The following OSBP2 variants were observed in gnomAD, a reference collection of about 807,000 sequenced individuals.
OSBP2 encodes oxysterol binding protein 2, also known as oxysterol-binding protein 2.
In OSBP2, 66 loss-of-function variants were observed where a neutral mutation model predicts 96.0. The ratio of observed to expected loss-of-function variants is 0.69; its 90% CI spans 0.56 to 0.84. The LOEUF (loss-of-function observed/expected upper bound fraction) is 0.84, where lower values mean the gene tolerates loss of function less well. OSBP2 is among the 40% of genes least tolerant of loss of function. OSBP2 has a pLI of 0.00. For missense variants in OSBP2, 1,038 were observed against 1,222.7 expected (o/e 0.85, Z 2.25); for synonymous variants, 525 against 520.9 (o/e 1.01, Z -0.11).
chr22:30,813,184 T>C lies in OSBP2; in HGVS notation c.854-57245T>C, dbSNP rs532448963. Among the ~76,000 whole-genome samples, 839 of 142,184 alleles carry C rather than the reference T, an allele frequency of 5.9e-3. 3 individuals carry two copies. The highest frequency in any genetic ancestry group is 0.021 in the Middle Eastern group (6 of 290). 93.3% of individuals were successfully genotyped at this position (142,184 alleles called of 152,430 possible). On this transcript the variant is annotated intron_variant, in intron 2 of 13. Coordinates refer to ENST00000332585, the MANE Select transcript of OSBP2 (RefSeq NM_030758.4). ...CGATGTTGCATTCTTTTTTTTTTTT[T>C]TTTTTTTTTTTTTGAGATGGAGTCT...
At chr22:30,876,171 GAGAAGGAAAATAT>G (rs1294011989) in intron 3 of OSBP2, among the ~76,000 whole-genome samples, 1 of 152,268 alleles carries the variant, frequency 6.6e-6, no homozygotes, top group Non-Finnish European at 1.5e-5. Context: ...CTCCCAGGCA[GAGAAGGAAAATAT>G]TACTATTTTC....
intron 12 of OSBP2, 35 bp from the exon 13 acceptor site, chr22:30,905,802 C>T (rs372875888): frequency 1.9e-6 from 3 of 1,607,528 alleles, no homozygotes; most frequent in Admixed American, 1.7e-5. Context: ...CGGCTCACAC[C>T]GCAGCCACCG....
At position 30,890,263 on chromosome 22, in the gene OSBP2, C is replaced by T. The variant is rs958448367; in HGVS notation, c.1624-465C>T. On this transcript the variant is annotated intron_variant, in intron 7 of 13. Coordinates refer to ENST00000332585, the MANE Select transcript of OSBP2 (RefSeq NM_030758.4). This position sits in a 1 kb window ranked among gnomAD's most constrained non-coding sequence, Gnocchi z 4.4. ...GATGGCATCATGGTGGGGAGAGTGACCCTGCCCTATGTGACACCGAGATAG... is the reference window on the plus strand; with the variant it reads ...GATGGCATCATGGTGGGGAGAGTGATCCTGCCCTATGTGACACCGAGATAG... 6.6e-6 allele frequency among the ~76,000 whole-genome samples: 1 copy of T among 151,956 alleles called. No homozygotes were observed. Among genetic ancestry groups the T allele is most frequent in the Admixed American group, 6.5e-5 (1 of 15,276 alleles).
At chr22:30,895,230 C>A (rs1395740682) in intron 12 of OSBP2, among the ~76,000 whole-genome samples, 1 of 151,504 alleles carries the variant, frequency 6.6e-6, no homozygotes, top group African/African-American at 2.4e-5. Context: ...GCTAAAATAA[C>A]CCATTTAGCT....
intron 2 of OSBP2, among the ~76,000 whole-genome samples, chr22:30,768,051 G>A (rs1375314179): frequency 1.3e-5 from 2 of 152,156 alleles, no homozygotes; most frequent in East Asian, 3.9e-4. Flanking sequence ...AGATGGCTGC[G>A]GCTTACCCCT....
chr22:30,775,144 A>T (rs1377375326), intron 2 of OSBP2, among the ~76,000 whole-genome samples: 1 of 152,084 alleles, frequency 6.6e-6, no homozygotes, highest in Non-Finnish European at 1.5e-5. Flanking sequence ...CTAGCTCCAG[A>T]ACGTTTTCAT....
chr22:30,835,364 C>G (rs751089686), intron 2 of OSBP2, among the ~76,000 whole-genome samples: 2 of 151,942 alleles, frequency 1.3e-5, no homozygotes, highest in Non-Finnish European at 2.9e-5. Context: ...GCATGCTATC[C>G]CAGCACCATT....
intron 1 of OSBP2, among the ~76,000 whole-genome samples, chr22:30,700,929 T>C (rs1200063268): frequency 6.7e-6 from 1 of 149,152 alleles, no homozygotes; most frequent in Non-Finnish European, 1.5e-5. Context: ...GTCTTTACTA[T>C]ATACAAAAAA....
chr22:30,893,975 G>C lies in OSBP2; in HGVS notation c.2349G>C (p.Lys783Asn). 7.5e-6 allele frequency: 12 copies of C among 1,599,002 alleles called. No individual in the cohort carries two copies. Among genetic ancestry groups the C allele is most frequent in the Non-Finnish European group, 1.0e-5 (12 of 1,173,296 alleles). Residue 783 changes from lysine to asparagine, a missense_variant, in exon 12 of 14, where the codon AAG becomes AAC. Physicochemically the swap from Lys to Asn is moderately conservative, Grantham distance 94. Coordinates refer to ENST00000332585, the MANE Select transcript of OSBP2 (RefSeq NM_030758.4). ...QKTVYQTLSA[K>N]LLWKKYPLPE... ...CAGTGTACCAGACCCTGTCAGCCAA[G>C]CTGCTGTGGAAGAAGTACCCGCTGC...
intron 2 of OSBP2, among the ~76,000 whole-genome samples, chr22:30,757,541 C>G (rs961059165): frequency 2.0e-5 from 3 of 152,022 alleles, no homozygotes; most frequent in African/African-American, 7.2e-5. Context: ...TCTCAGTCTC[C>G]CGAGTAGCTG....
At chr22:30,764,330 G>C (rs1000534041) in intron 2 of OSBP2, 2 of 985,354 alleles carry the variant, frequency 2.0e-6, no homozygotes, top group African/African-American at 3.5e-5. Context: ...CCTAGAGGCT[G>C]GCCCTAAAGA....
At chr22:30,802,448 G>A (rs1382976424) in intron 2 of OSBP2, among the ~76,000 whole-genome samples, 2 of 152,256 alleles carry the variant, frequency 1.3e-5, no homozygotes, top group Admixed American at 1.3e-4. Flanking sequence ...GGAGAAATGA[G>A]GGCTGGAGCC....
At chr22:30,807,070 C>T (rs568099195) in intron 2 of OSBP2, among the ~76,000 whole-genome samples, 5 of 152,270 alleles carry the variant, frequency 3.3e-5, no homozygotes, top group South Asian at 2.1e-4. Flanking sequence ...TACCCTGCCT[C>T]GATGGTTACT....
At chr22:30,730,813 T>TATTA (rs1569100839) in intron 1 of OSBP2, among the ~76,000 whole-genome samples, 1 of 115,720 alleles carries the variant, frequency 8.6e-6, no homozygotes, top group Non-Finnish European at 1.8e-5. Context: ...TATATAATTT[T>TATTA]TTTTTTTTTT....
chr22:30,746,947 A>C (rs1413153831), intron 2 of OSBP2, among the ~76,000 whole-genome samples: 1 of 152,240 alleles, frequency 6.6e-6, no homozygotes, highest in African/African-American at 2.4e-5. Flanking sequence ...AATCCATTAG[A>C]GTATTTAAAG....
chr22:30,868,919 C>T (rs2039404007), intron 2 of OSBP2, among the ~76,000 whole-genome samples: 1 of 152,248 alleles, frequency 6.6e-6, no homozygotes, highest in African/African-American at 2.4e-5. Context: ...AGTCTTATAT[C>T]TTGGGTTACA....
At chr22:30,783,302 C>CCT (rs2090544976) in intron 2 of OSBP2, among the ~76,000 whole-genome samples, 5 of 34,708 alleles carry the variant, frequency 1.4e-4, no homozygotes, top group African/African-American at 7.0e-4. Context: ...ATTCAGAGAG[C>CCT]TTTTTTTTTT....
intron 1 of OSBP2, among the ~76,000 whole-genome samples, chr22:30,734,655 T>A (rs894997500): frequency 1.3e-5 from 2 of 152,158 alleles, no homozygotes; most frequent in African/African-American, 4.8e-5. Flanking sequence ...CTTTCAGGAC[T>A]GAGTTTGAAG....
In OSBP2 at chr22:30,890,943, C is replaced by T. The variant is rs370458357; in HGVS notation, c.1839C>T (p.Asp613=). 113 of 1,610,432 alleles carry T rather than the reference C, an allele frequency of 7.0e-5. No individual in the cohort carries two copies. Among genetic ancestry groups the T allele is most frequent in the Non-Finnish European group, 9.2e-5 (108 of 1,180,016 alleles). ...LGETFELDRL[D]DMGLRSLCEQ... ...AGACCTTCGAGCTGGACCGCCTCGA[C>T]GACATGGGCCTGCGCTCCCTCTGTG... Residue 613 remains aspartate (D), a synonymous_variant, in exon 8 of 14, where the codon GAC becomes GAT. Transcript: ENST00000332585. This position sits in a 1 kb window ranked among gnomAD's most constrained non-coding sequence, Gnocchi z 4.4.
Sources: gnomAD v4.1 joint callset for allele counts (sites outside exome capture counted in the v4.1 genomes callset) on GRCh38, gnomAD v4.1.1 for gene constraint, Gnocchi (gnomAD v3.1) non-coding constraint, MANE v1.5 for transcripts, NCBI Gene and HGNC (gene_info 2026-07-23, HGNC 2026-07-21) for gene names.